GAN: variants seen among roughly 807,000 people sequenced by gnomAD.
The protein encoded by GAN is epididymis secretory sperm binding protein.
A neutral mutation model predicts 71.3 loss-of-function variants in GAN; 48 were observed. The observed-to-expected ratio is 0.67, with a 90% CI of 0.53 to 0.86. The LOEUF (loss-of-function observed/expected upper bound fraction) is 0.86, where lower values mean the gene tolerates loss of function less well. Ranked by LOEUF, GAN falls within the 40% of genes least tolerant of loss-of-function variation. The pLI is 0.00. For missense variants in GAN, 928 were observed against 770.1 expected (o/e 1.21, Z -2.43); for synonymous variants, 386 against 276.8 (o/e 1.39, Z -3.92).
chr16:81,376,513 G>GTGTGTGTGTGTGTGTGTGTA, intron 9 of GAN, among the ~76,000 whole-genome samples: 1 of 134,606 alleles, frequency 7.4e-6, no homozygotes, highest in Non-Finnish European at 1.6e-5. Flanking sequence ...GTGTGTGTAT[G>GTGTGTGTGTGTGTGTGTGTA]TGTGTGTGTA....
At chr16:81,365,201 C>T (rs964374434) in intron 8 of GAN, 91 bp downstream of exon 8, 22 of 1,564,514 alleles carry the variant, frequency 1.4e-5, no homozygotes, top group African/African-American at 2.7e-5. Flanking sequence ...TCTTTTCTTT[C>T]AGAGTAACCT....
chr16:81,351,600 A>T lies in GAN; in HGVS notation c.185A>T (p.Asn62Ile). The stretch of plus-strand genomic sequence containing the variant: ...TTTCTTAGGACAAAGTTAAACTATA[A>T]TCCTCCAAAAGATGATGGATCAACT... Reference protein sequence around the residue: ...SPYIRTKLNYNPPKDDGSTYK... With the variant: ...SPYIRTKLNYIPPKDDGSTYK... The change falls in exon 2 of 11, where the codon AAT becomes ATT. Residue 62 changes from asparagine to isoleucine, a missense_variant. Transcript: ENST00000648994. 1 of 1,478,032 alleles carries T rather than the reference A, an allele frequency of 6.8e-7. No homozygotes were observed. The highest frequency in any genetic ancestry group is 9.5e-7 in the Non-Finnish European group (1 of 1,055,664). 91.6% of individuals were successfully genotyped at this position (1,478,032 alleles called of 1,614,324 possible).
chr16:81,372,871 A>G (rs1911080199), intron 9 of GAN, among the ~76,000 whole-genome samples: 1 of 152,224 alleles, frequency 6.6e-6, no homozygotes, highest in Admixed American at 6.5e-5. Context: ...CTTTCAGCAC[A>G]AGCTTTTAGA....
At chr16:81,325,393 A>C (rs1909351914) in intron 1 of GAN, among the ~76,000 whole-genome samples, 1 of 152,184 alleles carries the variant, frequency 6.6e-6, no homozygotes, top group Non-Finnish European at 1.5e-5. Context: ...GAGGCAGAAC[A>C]AAGGATAAAT....
chr16:81,371,664 C>T (rs1911040579), intron 9 of GAN, among the ~76,000 whole-genome samples: 1 of 152,164 alleles, frequency 6.6e-6, no homozygotes, highest in South Asian at 2.1e-4. Context: ...TTCTCCACCA[C>T]ACTTTGGAGA....
At chr16:81,374,204 T>G (rs992184020) in intron 9 of GAN, among the ~76,000 whole-genome samples, 1 of 152,200 alleles carries the variant, frequency 6.6e-6, no homozygotes, top group Non-Finnish European at 1.5e-5. Context: ...ATTACACACT[T>G]CTCTGCATCA....
intron 1 of GAN, among the ~76,000 whole-genome samples, chr16:81,345,760 G>C (rs1448731568): frequency 6.6e-6 from 1 of 152,054 alleles, no homozygotes; most frequent in Admixed American, 6.6e-5. Flanking sequence ...TTTTAAAAGA[G>C]GGCTTCTTGT....
Position 81,315,225 on chromosome 16 carries a change from G to T in GAN, c.112G>T (p.Gly38Trp). ...CTGCGACGCGCACCTGGTCCTCGAC[G>T]GGGAGGAGATCCCGGTGCAGAAGAA... ...RFCDAHLVLD[G>W]EEIPVQKNIL... The change falls in exon 1 of 11, where the codon GGG becomes TGG. Residue 38 changes from glycine to tryptophan, a missense_variant. Gly to Trp is a radical substitution (Grantham distance 184, BLOSUM62 -2). Transcript: ENST00000648994. 1 of 1,583,226 alleles carries T rather than the reference G, an allele frequency of 6.3e-7. No individual in the cohort carries two copies. Among genetic ancestry groups the T allele is most frequent in the Non-Finnish European group, 8.6e-7 (1 of 1,166,868 alleles).
intron 1 of GAN, among the ~76,000 whole-genome samples, chr16:81,342,279 A>C (rs1439975524): frequency 6.6e-6 from 1 of 152,214 alleles, no homozygotes; most frequent in Non-Finnish European, 1.5e-5. Context: ...TGGACCAAGC[A>C]GACCAAATAG....
intron 9 of GAN, among the ~76,000 whole-genome samples, chr16:81,369,319 A>G (rs1910961081): frequency 6.6e-6 from 1 of 152,202 alleles, no homozygotes; most frequent in South Asian, 2.1e-4. Context: ...AAAACCAGAA[A>G]CAATACTGCA....
chr16:81,319,861 C>A (rs1297468217), intron 1 of GAN, among the ~76,000 whole-genome samples: 2 of 152,140 alleles, frequency 1.3e-5, no homozygotes, highest in Non-Finnish European at 2.9e-5. Context: ...GACAGCAAAT[C>A]CCCTTTAAGT....
intron 1 of GAN, among the ~76,000 whole-genome samples, chr16:81,330,791 A>G (rs1232159829): frequency 6.6e-6 from 1 of 152,266 alleles, no homozygotes; most frequent in Non-Finnish European, 1.5e-5. Flanking sequence ...CCCAAGAGGT[A>G]CCACCTTAAC....
chr16:81,361,589 G>A (rs1286537977), intron 5 of GAN, among the ~76,000 whole-genome samples: 1 of 152,214 alleles, frequency 6.6e-6, no homozygotes, highest in Non-Finnish European at 1.5e-5. Context: ...GATTAGAAAT[G>A]CCCTCAGTGT....
intron 9 of GAN, among the ~76,000 whole-genome samples, chr16:81,376,642 GTA>G (rs1491270478): frequency 1.5e-3 from 25 of 16,376 alleles, no homozygotes. Flanking sequence ...ATATATGTGT[GTA>G]TATATGTGTG....
chr16:81,360,086 G>A lies in GAN; in HGVS notation c.973+2155G>A, dbSNP rs540833961. 3.3e-5 allele frequency among the ~76,000 whole-genome samples: 5 copies of A among 152,262 alleles called. No homozygotes were observed. In the East Asian group the frequency reaches 9.6e-4, roughly 29 times the overall value. On this transcript the variant is annotated intron_variant, in intron 5 of 10. Coordinates refer to ENST00000648994, the MANE Select transcript of GAN (RefSeq NM_022041.4). The stretch of plus-strand genomic sequence containing the variant: ...GGATGGATAGATGGATGGACAGACA[G>A]ATAGGTAGATAGATGATTGATAGAC...
chr16:81,376,565 A>G (rs8054921), intron 9 of GAN, among the ~76,000 whole-genome samples: 7,774 of 146,414 alleles, frequency 0.053, 403 homozygotes, highest in African/African-American at 0.14. Flanking sequence ...ATACATATAT[A>G]TGTGTATATG....
At chr16:81,354,778 T>A in intron 3 of GAN, 23 bp downstream of exon 3, 1 of 1,370,818 alleles carries the variant, frequency 7.3e-7, no homozygotes, top group Non-Finnish European at 1.0e-6. Context: ...TATAACATGG[T>A]CAAATTTGCC....
chr16:81,360,289 T>A (rs1186779299), intron 5 of GAN, among the ~76,000 whole-genome samples: 1 of 152,204 alleles, frequency 6.6e-6, no homozygotes, highest in Non-Finnish European at 1.5e-5. Context: ...TGCCTGCAAA[T>A]GTCATTATTT....
Position 81,356,867 on chromosome 16 carries a change from C to T in GAN, c.716C>T (p.Pro239Leu). ...SYLREQMLNE[P>L]LVREIVKECS... ...TTACGGGAACAGATGCTGAATGAAC[C>T]ATTAGTACGAGAAATTGTCAAAGAG... Residue 239 changes from proline (P) to leucine (L), a missense_variant, in exon 4 of 11, where the codon CCA (proline) becomes CTA (leucine). By Grantham distance (98) the Pro-to-Leu change is moderately conservative (BLOSUM62 -3). Transcript: ENST00000648994. 1 of 1,613,434 alleles carries T rather than the reference C, an allele frequency of 6.2e-7. No homozygotes were observed. Among genetic ancestry groups the T allele is most frequent in the Non-Finnish European group, 8.5e-7 (1 of 1,179,428 alleles).
Sources: allele counts gnomAD v4.1 joint callset (sites outside exome capture counted in the v4.1 genomes callset), GRCh38; gene constraint gnomAD v4.1.1; transcripts MANE v1.5; gene names NCBI Gene and HGNC (gene_info 2026-07-23, HGNC 2026-07-21).